The following RNF38 variants were observed in gnomAD, a reference collection of about 807,000 sequenced individuals.
RNF38 encodes the protein E3 ubiquitin-protein ligase RNF38.
A neutral mutation model predicts 67.2 loss-of-function variants in RNF38; 15 were observed. The observed-to-expected ratio is 0.22, with a 90% CI of 0.15 to 0.34. The LOEUF is 0.34. RNF38 is among the 10% of genes least tolerant of loss of function. RNF38 has a pLI of 1.00. For synonymous variants in RNF38, 220 were observed against 218.8 expected, an observed-to-expected ratio of 1.01 and a Z score of -0.05; for missense variants, 524 against 639.9, an observed-to-expected ratio of 0.82 and a Z score of 1.95.
At chr9:36,443,337 C>CA (rs1444805633) in intron 1 of RNF38, among the ~76,000 whole-genome samples, 3 of 151,618 alleles carry the variant, frequency 2.0e-5, no homozygotes, top group African/African-American at 7.3e-5. Flanking sequence ...TAGAAGACAG[C>CA]AAAAAGGGGT....
chr9:36,392,188 C>CT (rs1315053046), intron 1 of RNF38, among the ~76,000 whole-genome samples: 1 of 152,108 alleles, frequency 6.6e-6, no homozygotes, highest in Non-Finnish European at 1.5e-5. Flanking sequence ...TTTGTTTCTG[C>CT]TTTGCTATGG....
At chr9:36,404,113 T>C (rs1271852887), upstream of RNF38, among the ~76,000 whole-genome samples, 2 of 152,366 alleles carry the variant, frequency 1.3e-5, no homozygotes, top group East Asian at 3.8e-4. Flanking sequence ...ACACATCACC[T>C]GCAATTGATT....
At chr9:36,393,477 TTGTGTGTGTGTGTGTGTGTG>T (rs58913703) in intron 1 of RNF38, among the ~76,000 whole-genome samples, 4 of 87,760 alleles carry the variant, frequency 4.6e-5, no homozygotes, top group South Asian at 4.7e-4. Flanking sequence ...CACACACACA[TTGTGTGTGTGTGTGTGTGTG>T]TGTGTGTGTG....
chr9:36,470,098 C>A (rs1839960657), intron 1 of RNF38, among the ~76,000 whole-genome samples: 1 of 152,198 alleles, frequency 6.6e-6, no homozygotes, highest in Admixed American at 6.5e-5. Context: ...CCCTGCCCTT[C>A]ATGTGCATTA....
Position 36,339,475 on chromosome 9 carries a change from A to G in RNF38, c.*277T>C. On this transcript the variant is annotated 3_prime_UTR_variant, in exon 12 of 12. Coordinates refer to ENST00000259605, the MANE Select transcript of RNF38 (RefSeq NM_022781.5). The stretch of plus-strand genomic sequence containing the variant: ...CTGTAATCTTGCAGCAACACTCGGA[A>G]TGATCACACAAAAACCAGGGAATGT... 2.4e-6 allele frequency: 1 copy of G among 411,112 alleles called. No individual in the cohort carries two copies. The highest frequency in any genetic ancestry group is 4.4e-6 in the Non-Finnish European group (1 of 225,082). 25.5% of individuals were successfully genotyped at this position (411,112 alleles called of 1,614,324 possible).
intron 1 of RNF38, among the ~76,000 whole-genome samples, chr9:36,451,851 G>C (rs939311687): frequency 1.8e-4 from 28 of 151,858 alleles, no homozygotes; most frequent in African/African-American, 6.8e-4. Flanking sequence ...GTAAAGATTT[G>C]AGAAGCACTG....
At position 36,376,053 on chromosome 9, in the gene RNF38, A is replaced by T. The variant is rs780605960; in HGVS notation, c.237T>A (p.Ala79=). 1 of 1,613,418 alleles carries T rather than the reference A, an allele frequency of 6.2e-7. No individual in the cohort carries two copies. The highest frequency in any genetic ancestry group is 1.1e-5 in the South Asian group (1 of 90,876). ...CCCATGGTCGCATTGGTGGTGAGGG[A>T]GCTGGTGATGCTGATGTATAATCAA... is the stretch of plus-strand genomic sequence containing the variant. The part of the protein sequence containing the change: ...SVFDYTSASP[A]PSPPMRPWEM... Residue 79 remains alanine, a synonymous_variant, in exon 3 of 12, where the codon GCT becomes GCA. Transcript: ENST00000259605.
chr9:36,348,558 T>C (rs1808971350), intron 9 of RNF38, among the ~76,000 whole-genome samples: 1 of 152,212 alleles, frequency 6.6e-6, no homozygotes, highest in African/African-American at 2.4e-5. Flanking sequence ...GCCATATTGC[T>C]GATATGGAGA....
chr9:36,454,850 C>T (rs915348167), intron 1 of RNF38, among the ~76,000 whole-genome samples: 11 of 152,234 alleles, frequency 7.2e-5, no homozygotes, highest in Non-Finnish European at 1.5e-4. Context: ...TCTCAAAGTG[C>T]TGGGGTTAAA....
chr9:36,433,403 C>A (rs1448871585), intron 1 of RNF38, among the ~76,000 whole-genome samples: 1 of 151,438 alleles, frequency 6.6e-6, no homozygotes, highest in African/African-American at 2.4e-5. Context: ...AATATATACA[C>A]CTACTAGGTA....
intron 1 of RNF38, among the ~76,000 whole-genome samples, chr9:36,483,334 C>G (rs567892379): frequency 6.6e-6 from 1 of 151,782 alleles, no homozygotes; most frequent in East Asian, 1.9e-4. Flanking sequence ...TGCAGTGAGC[C>G]GAGATTGCGC....
intron 10 of RNF38, among the ~76,000 whole-genome samples, chr9:36,343,319 C>G (rs1300781814): frequency 1.3e-5 from 2 of 152,062 alleles, no homozygotes; most frequent in Non-Finnish European, 2.9e-5. Context: ...TATTCTATTC[C>G]TCAGAGATCC....
intron 1 of RNF38, among the ~76,000 whole-genome samples, chr9:36,486,431 G>GA (rs567335239): frequency 2.0e-5 from 3 of 152,044 alleles, no homozygotes; most frequent in Non-Finnish European, 4.4e-5. Context: ...AAACCACCTG[G>GA]AAAAAACTCA....
chr9:36,447,751 T>C (rs1390707708), intron 1 of RNF38, among the ~76,000 whole-genome samples: 1 of 152,190 alleles, frequency 6.6e-6, no homozygotes, highest in Non-Finnish European at 1.5e-5. Flanking sequence ...CCAACTACCA[T>C]TTGCTTTCTC....
At chr9:36,472,884 TCACCTGAGGTCAGGAGGTGGGTGG>T in intron 1 of RNF38, among the ~76,000 whole-genome samples, 1 of 46,474 alleles carries the variant, frequency 2.2e-5, no homozygotes, top group Non-Finnish European at 5.0e-5. Context: ...GGTGGGTGGA[TCACCTGAGGTCAGGAGGTGGGTGG>T]ATCACCTGAG....
At position 36,431,364 on chromosome 9, in the gene RNF38, G is replaced by T. The variant is rs147483137; in HGVS notation, n.242-6681C>A. Among the ~76,000 whole-genome samples, 904 of 152,186 alleles carry T rather than the reference G, an allele frequency of 5.9e-3. 14 individuals carry two copies. The highest frequency in any genetic ancestry group is 0.021 in the African/African-American group (866 of 41,490). On this transcript the variant is annotated intron_variant and non_coding_transcript_variant, in intron 1 of 3. Coordinates refer to the RNF38 transcript ENST00000488058. The stretch of plus-strand genomic sequence containing the variant: ...CACGTTACTGTACTGAATACTGTAG[G>T]CAACTGTAACACAATGGTATTTGCG...
rs922309497 is a variant in RNF38 at position 36,353,212 on chromosome 9, G to A, written c.1029C>T (p.Phe343=). Residue 343 remains phenylalanine, a synonymous_variant, in exon 7 of 12, where the codon TTC becomes TTT. Transcript: ENST00000259605. ...CCTGATGCAAAGGATCATGTGTTAAGAACTGCAAGGGAGCTGATGGAGGTA... is the reference window on the plus strand; with the variant it reads ...CCTGATGCAAAGGATCATGTGTTAAAAACTGCAAGGGAGCTGATGGAGGTA... ...PTLPPSAPLQ[F]LTHDPLHQEV... The A allele has an allele frequency of 6.2e-7, 1 of 1,614,060 alleles. No homozygotes were observed. Among genetic ancestry groups the A allele is most frequent in the South Asian group, 1.1e-5 (1 of 91,080 alleles).
chr9:36,355,934 C>T (rs1430379631), intron 6 of RNF38, among the ~76,000 whole-genome samples: 1 of 152,124 alleles, frequency 6.6e-6, no homozygotes, highest in East Asian at 1.9e-4. Flanking sequence ...GCAACCTCTG[C>T]CTCCTGGATT....
At chr9:36,410,399 T>A (rs1256967378) in intron 2 of RNF38, among the ~76,000 whole-genome samples, 2 of 152,186 alleles carry the variant, frequency 1.3e-5, no homozygotes, top group Non-Finnish European at 2.9e-5. Context: ...TGATCTCGGC[T>A]CACTGCAACC....
Sources: allele counts gnomAD v4.1 joint callset (sites outside exome capture counted in the v4.1 genomes callset), GRCh38; gene constraint gnomAD v4.1.1; transcripts MANE v1.5; gene names NCBI Gene and HGNC (gene_info 2026-07-23, HGNC 2026-07-21).